The following GRIK2 variants were observed in gnomAD, a reference collection of about 807,000 sequenced individuals.
GRIK2 encodes glutamate receptor ionotropic, kainate 2.
GRIK2 carries 32 observed loss-of-function variants against 100.3 expected under a neutral mutation model. The observed-to-expected ratio is 0.32, with a 90% CI of 0.24 to 0.43. The LOEUF (loss-of-function observed/expected upper bound fraction) is 0.43, where lower values mean the gene tolerates loss of function less well. GRIK2 is among the 20% of genes least tolerant of loss of function. The pLI, the probability that GRIK2 is intolerant of heterozygous loss-of-function variation, is 1.00. For missense variants in GRIK2, 843 were observed against 1,114.9 expected, an observed-to-expected ratio of 0.76 and a Z score of 3.47; for synonymous variants, 417 against 389.4, an observed-to-expected ratio of 1.07 and a Z score of -0.83.
chr6:101,896,335 T>C (rs1168341795), intron 12 of GRIK2, among the ~76,000 whole-genome samples: 1 of 151,722 alleles, frequency 6.6e-6, no homozygotes, highest in Non-Finnish European at 1.5e-5. Context: ...AAATCAAACA[T>C]ATTTTCCACC....
intron 2 of GRIK2, among the ~76,000 whole-genome samples, chr6:101,481,801 G>A (rs978938196): frequency 6.6e-6 from 1 of 152,056 alleles, no homozygotes; most frequent in East Asian, 1.9e-4. Context: ...TGCAATCCCC[G>A]TAATCCCCAC....
At chr6:101,984,650 CACACA>C (rs1793914811) in intron 14 of GRIK2, among the ~76,000 whole-genome samples, 3 of 150,798 alleles carry the variant, frequency 2.0e-5, no homozygotes, top group African/African-American at 4.9e-5. Flanking sequence ...CACACACACA[CACACA>C]CCCTTCAACT....
At chr6:101,409,231 T>C (rs756375393) in intron 2 of GRIK2, among the ~76,000 whole-genome samples, 1 of 151,852 alleles carries the variant, frequency 6.6e-6, no homozygotes, top group Non-Finnish European at 1.5e-5. Flanking sequence ...TATTTACCAT[T>C]GTGTTCTGAT....
chr6:101,610,108 TAAG>T (rs1401594681), intron 2 of GRIK2, among the ~76,000 whole-genome samples: 1 of 151,432 alleles, frequency 6.6e-6, no homozygotes, highest in East Asian at 1.9e-4. Flanking sequence ...AATAAAATAA[TAAG>T]CACACAAAAA....
chr6:102,009,877 A>G (rs1015352623), intron 14 of GRIK2, among the ~76,000 whole-genome samples: 2 of 152,126 alleles, frequency 1.3e-5, no homozygotes, highest in African/African-American at 4.8e-5. Context: ...ATTAATAAGT[A>G]TTACCTTGTT....
At chr6:101,712,864 A>G (rs1247168603) in intron 7 of GRIK2, among the ~76,000 whole-genome samples, 3 of 151,846 alleles carry the variant, frequency 2.0e-5, no homozygotes, top group African/African-American at 7.2e-5. Context: ...CAAAGGCACA[A>G]TCACATAATC....
At chr6:101,693,088 C>T (rs1485054793) in intron 7 of GRIK2, among the ~76,000 whole-genome samples, 4 of 152,030 alleles carry the variant, frequency 2.6e-5, no homozygotes, top group Non-Finnish European at 1.5e-5. Flanking sequence ...TAGAACATTT[C>T]GTCTAATTGC....
At chr6:102,002,304 G>A (rs887022275) in intron 14 of GRIK2, among the ~76,000 whole-genome samples, 8 of 147,486 alleles carry the variant, frequency 5.4e-5, no homozygotes, top group Admixed American at 2.7e-4. Context: ...GTGTGTGTGT[G>A]TATATATATA....
At chr6:101,571,258 C>T (rs1365217134) in intron 2 of GRIK2, among the ~76,000 whole-genome samples, 1 of 152,056 alleles carries the variant, frequency 6.6e-6, no homozygotes, top group Non-Finnish European at 1.5e-5. Context: ...GTTTGCTGCA[C>T]CCATCACCCC....
chr6:101,868,175 T>G (rs1785171904), intron 11 of GRIK2, among the ~76,000 whole-genome samples: 1 of 151,086 alleles, frequency 6.6e-6, no homozygotes, highest in Non-Finnish European at 1.5e-5. Context: ...GCATTGAAAC[T>G]TTTCCTTACT....
At chr6:101,914,436 A>G (rs1788962141) in intron 12 of GRIK2, among the ~76,000 whole-genome samples, 2 of 151,550 alleles carry the variant, frequency 1.3e-5, no homozygotes, top group African/African-American at 2.4e-5. Context: ...ATTCAGCTAT[A>G]TAGATATTCT....
chr6:101,498,472 A>C (rs1042256783), intron 2 of GRIK2, among the ~76,000 whole-genome samples: 3 of 151,328 alleles, frequency 2.0e-5, no homozygotes, highest in Non-Finnish European at 4.4e-5. Flanking sequence ...GAACTAGTTT[A>C]CAGTCCCACC....
At chr6:101,567,109 C>T (rs2128297746) in intron 2 of GRIK2, among the ~76,000 whole-genome samples, 1 of 151,768 alleles carries the variant, frequency 6.6e-6, no homozygotes, top group South Asian at 2.1e-4. Flanking sequence ...AACTGTTTTA[C>T]CTACAAACAT....
At chr6:102,026,277 G>A (rs1444433106) in intron 14 of GRIK2, among the ~76,000 whole-genome samples, 1 of 150,262 alleles carries the variant, frequency 6.7e-6, no homozygotes, top group Non-Finnish European at 1.5e-5. Flanking sequence ...TTTATGGACT[G>A]TCAAAATGGC....
chr6:101,604,634 A>G (rs1779364985), intron 2 of GRIK2, among the ~76,000 whole-genome samples: 1 of 151,896 alleles, frequency 6.6e-6, no homozygotes, highest in Admixed American at 6.6e-5. Context: ...CGAGGATGAT[A>G]AACTATGCTA....
intron 2 of GRIK2, among the ~76,000 whole-genome samples, chr6:101,530,336 C>T (rs1775375753): frequency 6.6e-6 from 1 of 151,940 alleles, no homozygotes; most frequent in Admixed American, 6.6e-5. Context: ...GAGTCATTTA[C>T]AGCGACTATG....
chr6:101,473,012 T>C (rs2128256979), intron 2 of GRIK2, among the ~76,000 whole-genome samples: 1 of 151,866 alleles, frequency 6.6e-6, no homozygotes, highest in South Asian at 2.1e-4. Flanking sequence ...CTCATTTCTG[T>C]ATGATTTCTT....
At chr6:101,608,412 T>G (rs1428297801) in intron 2 of GRIK2, among the ~76,000 whole-genome samples, 1 of 151,966 alleles carries the variant, frequency 6.6e-6, no homozygotes, top group African/African-American at 2.4e-5. Flanking sequence ...TAAAAATAGT[T>G]CTTCTATGAA....
At chr6:101,511,118 T>C (rs1477591372) in intron 2 of GRIK2, among the ~76,000 whole-genome samples, 2 of 152,230 alleles carry the variant, frequency 1.3e-5, no homozygotes, top group Non-Finnish European at 2.9e-5. Context: ...CTTTTGGAAC[T>C]GGGAATTCTG....
Sources: allele counts gnomAD v4.1 joint callset (sites outside exome capture counted in the v4.1 genomes callset), GRCh38; gene constraint gnomAD v4.1.1; transcripts MANE v1.5; gene names NCBI Gene and HGNC (gene_info 2026-07-23, HGNC 2026-07-21).